The following OTUD7A variants were observed in gnomAD, a reference collection of about 807,000 sequenced individuals.
OTUD7A encodes OTU domain-containing protein 7A.
In OTUD7A, 12 loss-of-function variants were observed where a neutral mutation model predicts 65.7. The observed-to-expected ratio is 0.18, with a 90% CI of 0.12 to 0.30. The LOEUF is 0.30. Ranked by LOEUF, OTUD7A falls within the 10% of genes least tolerant of loss-of-function variation. The pLI, the probability that OTUD7A is intolerant of heterozygous loss-of-function variation, is 1.00. For synonymous variants in OTUD7A, 641 were observed against 586.3 expected (o/e 1.09, Z -1.35); for missense variants, 1,148 against 1,304.8 (o/e 0.88, Z 1.85).
chr15:31,691,723 G>C (rs1370617937), intron 1 of OTUD7A, among the ~76,000 whole-genome samples: 2 of 143,552 alleles, frequency 1.4e-5, no homozygotes, highest in African/African-American at 5.1e-5. Flanking sequence ...ATAGAAAAAT[G>C]GGTTTATATC....
chr15:31,770,371 A>C (rs556534713), intron 1 of OTUD7A, among the ~76,000 whole-genome samples: 2 of 152,352 alleles, frequency 1.3e-5, no homozygotes, highest in African/African-American at 4.8e-5. Context: ...TTATACAAAA[A>C]GAAAGTAGAA....
intron 1 of OTUD7A, among the ~76,000 whole-genome samples, chr15:31,801,795 CATAA>C (rs1453775988): frequency 2.6e-5 from 4 of 151,926 alleles, no homozygotes; most frequent in African/African-American, 9.7e-5. Context: ...TGATTTTTTA[CATAA>C]ATAAATAAAA....
intron 1 of OTUD7A, among the ~76,000 whole-genome samples, chr15:31,729,066 T>C (rs1252055465): frequency 1.3e-5 from 2 of 152,230 alleles, no homozygotes; most frequent in East Asian, 1.9e-4. Flanking sequence ...AATTTTATTA[T>C]AGTATGTTGT....
At chr15:31,831,583 G>A (rs1347863399) in intron 1 of OTUD7A, among the ~76,000 whole-genome samples, 2 of 152,200 alleles carry the variant, frequency 1.3e-5, no homozygotes, top group Non-Finnish European at 1.5e-5. Flanking sequence ...CTTGTGGGCA[G>A]GAGAAGAAAA....
chr15:31,812,827 C>A (rs1225953955), intron 1 of OTUD7A, among the ~76,000 whole-genome samples: 1 of 152,184 alleles, frequency 6.6e-6, no homozygotes, highest in Non-Finnish European at 1.5e-5. Context: ...AAGCCACACA[C>A]CCCAAGCTGA....
At chr15:31,500,590 G>T (rs949192281) in intron 10 of OTUD7A, among the ~76,000 whole-genome samples, 3 of 152,268 alleles carry the variant, frequency 2.0e-5, no homozygotes, top group African/African-American at 7.2e-5. Flanking sequence ...AGGGCTGGGG[G>T]AGGCTGGGTT....
chr15:31,615,048 T>C (rs79071954), intron 3 of OTUD7A, among the ~76,000 whole-genome samples: 5,896 of 152,232 alleles, frequency 0.039, 407 homozygotes, highest in African/African-American at 0.13. Context: ...ATAAATACTT[T>C]GATTTATACA....
At chr15:31,591,308 G>T (rs1046863471) in intron 3 of OTUD7A, among the ~76,000 whole-genome samples, 2 of 152,120 alleles carry the variant, frequency 1.3e-5, no homozygotes, top group African/African-American at 4.8e-5. Flanking sequence ...GCGGATACAT[G>T]GGGAAGGGGC....
At chr15:31,540,151 C>A (rs2141134092) in intron 5 of OTUD7A, among the ~76,000 whole-genome samples, 1 of 152,242 alleles carries the variant, frequency 6.6e-6, no homozygotes, top group South Asian at 2.1e-4. Context: ...AGGCACAGAG[C>A]CCTGAAGCTA....
Position 31,709,772 on chromosome 15 carries a change from TA to T in OTUD7A, c.-99-52696del, listed in dbSNP as rs565440087. ...ATGAAAGAGGACTGTGCAGCTGCCT[TA>T]AAAAATGTTTTTGTATGTGTGTATA... On this transcript the variant is annotated intron_variant, in intron 1 of 12. Coordinates refer to ENST00000307050, the MANE Select transcript of OTUD7A (RefSeq NM_001382637.1). Among the ~76,000 whole-genome samples the T allele has an allele frequency of 3.0e-4, 45 of 152,220 alleles. No homozygotes were observed. The South Asian group carries it at 8.9e-3, about 30-fold the overall frequency.
chr15:31,575,711 G>A (rs1292908239), intron 3 of OTUD7A, among the ~76,000 whole-genome samples: 1 of 152,124 alleles, frequency 6.6e-6, no homozygotes, highest in Non-Finnish European at 1.5e-5. Flanking sequence ...CAAATACTCT[G>A]GTCCAGAGGT....
Position 31,483,209 on chromosome 15 carries a change from A to G in OTUD7A, c.*85T>C. The G allele has an allele frequency of 9.7e-7, 1 of 1,033,010 alleles. No homozygotes were observed. Among genetic ancestry groups the G allele is most frequent in the South Asian group, 4.5e-5 (1 of 22,244 alleles). 64.0% of individuals were successfully genotyped at this position (1,033,010 alleles called of 1,614,324 possible). Reference sequence around the variant, plus strand: ...AGAGGAGGCGCCGGCCTTCCGGTGGACCAGGGCATGTAAAAAAGACACCGA... The same window carrying G: ...AGAGGAGGCGCCGGCCTTCCGGTGGGCCAGGGCATGTAAAAAAGACACCGA... On this transcript the variant is annotated 3_prime_UTR_variant, in exon 13 of 13. Transcript: ENST00000307050.
intron 1 of OTUD7A, among the ~76,000 whole-genome samples, chr15:31,869,934 T>C (rs1897980842): frequency 1.3e-5 from 2 of 152,214 alleles, no homozygotes; most frequent in East Asian, 3.9e-4. Context: ...CACAGCCAAA[T>C]TGCCTTAATG....
chr15:31,771,587 C>G (rs1423849211), intron 1 of OTUD7A, among the ~76,000 whole-genome samples: 1 of 152,138 alleles, frequency 6.6e-6, no homozygotes, highest in African/African-American at 2.4e-5. Context: ...TACTATCATC[C>G]CTTACTTGAA....
intron 10 of OTUD7A, among the ~76,000 whole-genome samples, chr15:31,499,827 C>T (rs1191250780): frequency 6.6e-6 from 1 of 152,226 alleles, no homozygotes; most frequent in Non-Finnish European, 1.5e-5. Context: ...GCACTGGGAC[C>T]AGATCCCAGT....
chr15:31,581,325 C>G (rs1376482844), intron 3 of OTUD7A, among the ~76,000 whole-genome samples: 1 of 152,204 alleles, frequency 6.6e-6, no homozygotes, highest in African/African-American at 2.4e-5. Context: ...GTGCACAGTG[C>G]AAGCTGTTGG....
chr15:31,774,279 A>C (rs1044748384), intron 1 of OTUD7A, among the ~76,000 whole-genome samples: 2 of 152,242 alleles, frequency 1.3e-5, no homozygotes, highest in African/African-American at 4.8e-5. Context: ...CTGCCAGCTG[A>C]GTCAGTCAGC....
In OTUD7A at chr15:31,564,391, T is replaced by G; in HGVS notation, c.332-5204A>C. 1.3e-5 allele frequency among the ~76,000 whole-genome samples: 2 copies of G among 150,940 alleles called. 1 individual carries two copies. Among genetic ancestry groups the G allele is most frequent in the East Asian group, 3.9e-4 (2 of 5,142 alleles). On this transcript the variant is annotated intron_variant, in intron 4 of 12. Transcript: ENST00000307050. ...TGGAAGTAGTCTTTGAGGAAGGTTT[T>G]TTTTTTTTTAGCAAAAGAGAAAAGA...
chr15:31,539,522 A>G (rs1422916083), intron 5 of OTUD7A, among the ~76,000 whole-genome samples: 1 of 152,220 alleles, frequency 6.6e-6, no homozygotes, highest in Admixed American at 6.5e-5. Context: ...ATGTTTTTCA[A>G]AAAGTGCATA....
Sources: gnomAD v4.1 joint callset for allele counts (sites outside exome capture counted in the v4.1 genomes callset) on GRCh38, gnomAD v4.1.1 for gene constraint, MANE v1.5 for transcripts, NCBI Gene and HGNC (gene_info 2026-07-23, HGNC 2026-07-21) for gene names.